Variants in NTM observed in about 807,000 individuals in gnomAD.
NTM encodes neurotrimin, also known as IgLON family member 2.
In NTM, 13 loss-of-function variants were observed where a neutral mutation model predicts 42.1. The observed-to-expected ratio is 0.31, with a 90% CI of 0.20 to 0.49. The LOEUF is 0.49. NTM is among the 20% of genes least tolerant of loss of function. The pLI is 0.99. For synonymous variants in NTM, 187 were observed against 179.2 expected (o/e 1.04, Z -0.35); for missense variants, 373 against 452.8 (o/e 0.82, Z 1.60).
intron 3 of NTM, among the ~76,000 whole-genome samples, chr11:132,175,712 C>A (rs1252207850): frequency 6.6e-6 from 1 of 151,992 alleles, no homozygotes; most frequent in Admixed American, 6.6e-5. Flanking sequence ...CTCAGCCTCC[C>A]GAGTAGCTGG....
intron 1 of NTM, among the ~76,000 whole-genome samples, chr11:131,601,451 C>T (rs2060477967): frequency 6.6e-6 from 1 of 152,174 alleles, no homozygotes; most frequent in Non-Finnish European, 1.5e-5. Flanking sequence ...TAGTTTTAAA[C>T]ATTTTGTTTA....
chr11:131,857,946 G>T (rs564157370), intron 1 of NTM, among the ~76,000 whole-genome samples: 1 of 152,090 alleles, frequency 6.6e-6, no homozygotes, highest in South Asian at 2.1e-4. Flanking sequence ...ACCCTTTATT[G>T]TCTGGTTCCT....
intron 2 of NTM, among the ~76,000 whole-genome samples, chr11:131,925,400 T>TTA (rs2057807394): frequency 1.3e-5 from 2 of 148,412 alleles, no homozygotes; most frequent in Non-Finnish European, 3.0e-5. Context: ...TTTTTTTTTT[T>TTA]TTTTAACAGG....
intron 1 of NTM, among the ~76,000 whole-genome samples, chr11:131,532,916 G>A (rs963363242): frequency 2.6e-5 from 4 of 151,572 alleles, no homozygotes; most frequent in African/African-American, 9.7e-5. Context: ...TTTAAGTTGA[G>A]TTTTTCATTG....
At chr11:132,330,289 C>A in intron 8 of NTM, 104 bp downstream of exon 8, 4 of 1,326,182 alleles carry the variant, frequency 3.0e-6, no homozygotes, top group Non-Finnish European at 4.2e-6. Context: ...CTCCAGGAAG[C>A]AGCGCAGAGG....
chr11:132,235,177 GA>G (rs1180418602), intron 4 of NTM, among the ~76,000 whole-genome samples: 3 of 152,298 alleles, frequency 2.0e-5, no homozygotes, highest in South Asian at 4.1e-4. Flanking sequence ...AATGCAGGGG[GA>G]GTCATCTCTG....
intron 1 of NTM, among the ~76,000 whole-genome samples, chr11:131,687,387 C>T (rs1304380496): frequency 1.3e-5 from 2 of 152,158 alleles, no homozygotes; most frequent in Non-Finnish European, 2.9e-5. Context: ...GACATCAGTG[C>T]TGGGTGACTC....
chr11:132,272,980 T>C (rs1403089136), intron 4 of NTM, among the ~76,000 whole-genome samples: 1 of 152,136 alleles, frequency 6.6e-6, no homozygotes, highest in East Asian at 1.9e-4. Flanking sequence ...CCACTAAGTA[T>C]AATGTTAGCT....
chr11:131,959,815 A>G (rs1353900096), intron 2 of NTM, among the ~76,000 whole-genome samples: 3 of 152,206 alleles, frequency 2.0e-5, no homozygotes, highest in African/African-American at 7.2e-5. Flanking sequence ...TGACCTCAAC[A>G]TTGTTCCCCA....
intron 1 of NTM, among the ~76,000 whole-genome samples, chr11:131,497,703 C>G (rs76565368): frequency 0.027 from 4,100 of 152,258 alleles, 166 homozygotes; most frequent in African/African-American, 0.091. Context: ...TGAGTCTTCT[C>G]TCCAAAGAAC....
intron 3 of NTM, among the ~76,000 whole-genome samples, chr11:132,150,278 TC>T (rs1418615381): frequency 6.6e-6 from 1 of 152,098 alleles, no homozygotes; most frequent in African/African-American, 2.4e-5. Flanking sequence ...CTATTTATGC[TC>T]CATCCCCATG....
At position 131,395,098 on chromosome 11, in the gene NTM, C is replaced by T. The variant is rs1944409896; in HGVS notation, c.82+24210C>T. ...GTGGCAGTGGGAGCCAGGCTGCCTT[C>T]ACATGACCCCTGCCAGCACCTCTCA... is the stretch of plus-strand genomic sequence containing the variant. On this transcript the variant is annotated intron_variant, in intron 1 of 8. Coordinates refer to ENST00000683400, the MANE Select transcript of NTM (RefSeq NM_001352005.2). 2.0e-5 allele frequency among the ~76,000 whole-genome samples: 3 copies of T among 152,272 alleles called. No individual in the cohort carries two copies. The South Asian group carries it at 6.2e-4, about 32-fold the overall frequency.
chr11:132,121,513 A>G (rs988908230), intron 2 of NTM, among the ~76,000 whole-genome samples: 1 of 152,214 alleles, frequency 6.6e-6, no homozygotes, highest in Non-Finnish European at 1.5e-5. Context: ...TGAAGTACAG[A>G]AAATATGAGT....
chr11:132,066,667 C>A (rs1247346656), intron 2 of NTM, among the ~76,000 whole-genome samples: 1 of 152,136 alleles, frequency 6.6e-6, no homozygotes, highest in Non-Finnish European at 1.5e-5. Flanking sequence ...TGGATTGATA[C>A]ATTATCTCAT....
chr11:131,845,841 C>T (rs1023167805), intron 1 of NTM, among the ~76,000 whole-genome samples: 1 of 152,048 alleles, frequency 6.6e-6, no homozygotes, highest in Admixed American at 6.6e-5. Context: ...CTTCCCTATA[C>T]ATAAGAATGA....
At chr11:131,598,875 T>TCTTCCTTCCTTCTTCCTTC (rs2060194493) in intron 1 of NTM, among the ~76,000 whole-genome samples, 1 of 35,034 alleles carries the variant, frequency 2.9e-5, no homozygotes, top group African/African-American at 9.8e-5. Context: ...CTTCCTTCCT[T>TCTTCCTTCCTTCTTCCTTC]CTTCCTTCCT....
intron 1 of NTM, among the ~76,000 whole-genome samples, chr11:131,543,899 C>G (rs1349162426): frequency 6.6e-6 from 1 of 152,138 alleles, no homozygotes; most frequent in African/African-American, 2.4e-5. Context: ...TTAGTAAACA[C>G]CAAAGAGAGC....
intron 1 of NTM, among the ~76,000 whole-genome samples, chr11:131,842,773 G>T (rs2044421944): frequency 6.6e-6 from 1 of 152,116 alleles, no homozygotes; most frequent in Admixed American, 6.5e-5. Context: ...CATTTTGGGA[G>T]GCTGTGGCTG....
At chr11:131,789,703 T>C (rs1199431250) in intron 1 of NTM, among the ~76,000 whole-genome samples, 3 of 150,852 alleles carry the variant, frequency 2.0e-5, no homozygotes, top group Admixed American at 6.6e-5. Flanking sequence ...TCGCCTGTAA[T>C]CCCAGCACTT....
Sources: gnomAD v4.1 joint callset for allele counts (sites outside exome capture counted in the v4.1 genomes callset) on GRCh38, gnomAD v4.1.1 for gene constraint, MANE v1.5 for transcripts, NCBI Gene and HGNC (gene_info 2026-07-23, HGNC 2026-07-21) for gene names.